MGA: variants seen among roughly 807,000 people sequenced by gnomAD.
MGA encodes MAX gene-associated protein.
Under a neutral mutation model 261.1 loss-of-function variants are expected in MGA, and 40 were observed. The observed-to-expected ratio is 0.15, with a 90% CI of 0.12 to 0.20. The LOEUF is 0.20. Ranked by LOEUF, MGA falls within the 10% of genes least tolerant of loss-of-function variation. The pLI is 1.00. For synonymous variants in MGA, 1,302 were observed against 1,290.6 expected (o/e 1.01, Z -0.19); for missense variants, 3,397 against 3,630.5 (o/e 0.94, Z 1.65).
intron 2 of MGA, among the ~76,000 whole-genome samples, chr15:41,673,002 A>C (rs1304929696): frequency 1.3e-5 from 2 of 152,034 alleles, no homozygotes; most frequent in African/African-American, 2.4e-5. Flanking sequence ...TATTTGCTAC[A>C]TTTGCGGTTG....
At chr15:41,640,256 G>A (rs1044248620) in intron 1 of MGA, among the ~76,000 whole-genome samples, 2 of 152,126 alleles carry the variant, frequency 1.3e-5, no homozygotes, top group African/African-American at 4.8e-5. Context: ...GAAATAAGGA[G>A]TAGTTGAGTA....
In MGA at chr15:41,757,969, T is replaced by C. The variant is rs1596000834; in HGVS notation, c.7191+130T>C. 4.5e-6 allele frequency: 3 copies of C among 672,578 alleles called. No individual in the cohort carries two copies. In the East Asian group the frequency reaches 8.1e-5, roughly 18 times the overall value. 41.7% of individuals were successfully genotyped at this position (672,578 alleles called of 1,614,324 possible). On this transcript the variant is annotated intron_variant, in intron 19 of 23. Coordinates refer to ENST00000219905, the MANE Select transcript of MGA (RefSeq NM_001164273.2). ...GGCTATTTTTGCCAGTGAGTTAATA[T>C]AATCAGTTTTTTCTCCTTAATCAAA...
At chr15:41,625,977 T>G (rs985465400) in intron 1 of MGA, among the ~76,000 whole-genome samples, 4 of 152,186 alleles carry the variant, frequency 2.6e-5, no homozygotes, top group African/African-American at 9.7e-5. Flanking sequence ...AGAGATCACA[T>G]TTACATAACT....
intron 22 of MGA, among the ~76,000 whole-genome samples, chr15:41,763,034 A>G (rs941101948): frequency 3.3e-5 from 5 of 151,162 alleles, no homozygotes; most frequent in African/African-American, 1.2e-4. Flanking sequence ...AGACCAATAA[A>G]TGGGAAATTT....
chr15:41,720,246 G>A (rs930426028), intron 9 of MGA, among the ~76,000 whole-genome samples: 7 of 152,162 alleles, frequency 4.6e-5, no homozygotes, highest in Non-Finnish European at 8.8e-5. Context: ...AGAATAGAGA[G>A]GCTACAGGCT....
chr15:41,642,830 G>C (rs1016272066), intron 1 of MGA, among the ~76,000 whole-genome samples: 1 of 150,900 alleles, frequency 6.6e-6, no homozygotes, highest in Non-Finnish European at 1.5e-5. Context: ...GGCTGGTCTC[G>C]AACTTCTAAC....
At chr15:41,627,325 C>G (rs141953394) in intron 1 of MGA, among the ~76,000 whole-genome samples, 329 of 152,262 alleles carry the variant, frequency 2.2e-3, no homozygotes, top group Middle Eastern at 0.01. Context: ...TAACACAGTA[C>G]TTTTTGTAGT....
Position 41,765,033 on chromosome 15 carries a change from A to G in MGA, c.7892A>G (p.Gln2631Arg). 6.2e-7 allele frequency: 1 copy of G among 1,613,956 alleles called. No individual in the cohort carries two copies. The highest frequency in any genetic ancestry group is 8.5e-7 in the Non-Finnish European group (1 of 1,179,868). The change falls in exon 23 of 24, where the codon CAA (glutamine) becomes CGA (arginine). Residue 2631 changes from glutamine to arginine, a missense_variant. This residue lies in a region of MGA where 647 missense variants were observed against 642.4 expected (regional missense o/e 1.01). Coordinates refer to ENST00000219905, the MANE Select transcript of MGA (RefSeq NM_001164273.2). ...CTCTTAGAATCTGATCTTAAGCCTC[A>G]AGTTGCCGGTAGTGCTGTGGCTCTA...
At chr15:41,629,713 A>G (rs1452985847) in intron 1 of MGA, among the ~76,000 whole-genome samples, 1 of 152,166 alleles carries the variant, frequency 6.6e-6, no homozygotes, top group East Asian at 1.9e-4. Flanking sequence ...TGCGCGACAA[A>G]TGGAGATCCT....
At chr15:41,747,708 T>G (rs2062588132) in intron 15 of MGA, among the ~76,000 whole-genome samples, 2 of 152,118 alleles carry the variant, frequency 1.3e-5, no homozygotes, top group African/African-American at 4.8e-5. Context: ...AAGAATGAAG[T>G]TGAAGCATAA....
intron 14 of MGA, among the ~76,000 whole-genome samples, chr15:41,740,409 T>C (rs1270281229): frequency 6.6e-6 from 1 of 152,136 alleles, no homozygotes; most frequent in Non-Finnish European, 1.5e-5. Flanking sequence ...TGTTTTATAG[T>C]TAATTTCTTG....
chr15:41,707,496 T>C (rs1320257814), intron 5 of MGA, among the ~76,000 whole-genome samples: 1 of 152,174 alleles, frequency 6.6e-6, no homozygotes, highest in Non-Finnish European at 1.5e-5. Context: ...CCTACCATAG[T>C]CGGGGTGAGG....
intron 1 of MGA, among the ~76,000 whole-genome samples, chr15:41,623,696 C>T (rs2056368245): frequency 6.7e-6 from 1 of 148,790 alleles, no homozygotes; most frequent in Non-Finnish European, 1.5e-5. Flanking sequence ...CATTGCACTC[C>T]AGCCTGGGCA....
rs551147503 is a variant in MGA, at chr15:41,723,962, A to G, written c.3431-3218A>G. On this transcript the variant is annotated intron_variant, in intron 9 of 23. Coordinates refer to ENST00000219905, the MANE Select transcript of MGA (RefSeq NM_001164273.2). Reference sequence around the variant, plus strand: ...ATGAATAATCATTCTTGGTATCTTAAGAGTTTTTTTTTTTTTTGAAGTACT... The same window carrying G: ...ATGAATAATCATTCTTGGTATCTTAGGAGTTTTTTTTTTTTTTGAAGTACT... Among the ~76,000 whole-genome samples the G allele has an allele frequency of 2.7e-4, 41 of 151,186 alleles. No homozygotes were observed. The East Asian group carries it at 3.5e-3, about 13-fold the overall frequency.
Position 41,729,313 on chromosome 15 carries a change from A to G in MGA, c.3807A>G (p.Ser1269=), listed in dbSNP as rs1441715972. 3.1e-6 allele frequency: 5 copies of G among 1,613,790 alleles called. No homozygotes were observed. Among genetic ancestry groups the G allele is most frequent in the East Asian group, 2.2e-5 (1 of 44,892 alleles). The stretch of plus-strand genomic sequence containing the variant: ...CTCCATCATTTCAGCAGCAAACTTC[A>G]TGTCATTCTAGCCCTGAGAACCATA... Residue 1269 remains serine (S), a synonymous_variant, in exon 11 of 24, where the codon TCA becomes TCG. Transcript: ENST00000219905.
At position 41,669,296 on chromosome 15, in the gene MGA, T is replaced by A. The variant is rs775658458; in HGVS notation, c.402T>A (p.Arg134=). 29 of 1,613,890 alleles carry A rather than the reference T, an allele frequency of 1.8e-5. No homozygotes were observed. In the Middle Eastern group the frequency reaches 4.9e-4, roughly 27 times the overall value. ...ATATATCTCCTGTGGATAACCATCG[T>A]TATAAGTGGAATGGTCGTTGGTGGG... The change falls in exon 2 of 24, where the codon CGT becomes CGA. Residue 134 remains arginine (R), a synonymous_variant. Coordinates refer to ENST00000219905, the MANE Select transcript of MGA (RefSeq NM_001164273.2).
chr15:41,700,895 A>T (rs1566998420), intron 5 of MGA, among the ~76,000 whole-genome samples: 1 of 152,326 alleles, frequency 6.6e-6, no homozygotes, highest in Non-Finnish European at 1.5e-5. Context: ...TCTAAACATT[A>T]TAAGTTATCA....
chr15:41,721,872 T>C (rs1206041256), intron 9 of MGA, among the ~76,000 whole-genome samples: 1 of 152,154 alleles, frequency 6.6e-6, no homozygotes, highest in Non-Finnish European at 1.5e-5. Context: ...CAGAACTGTA[T>C]TATATAAGAA....
chr15:41,746,421 T>C (rs1567072363), intron 15 of MGA, among the ~76,000 whole-genome samples: 1 of 151,888 alleles, frequency 6.6e-6, no homozygotes, highest in Non-Finnish European at 1.5e-5. Flanking sequence ...GTTGCATGCC[T>C]GTAATCCTAG....
Sources: gnomAD v4.1 joint callset for allele counts (sites outside exome capture counted in the v4.1 genomes callset) on GRCh38, gnomAD v4.1.1 for gene constraint, gnomAD v4.1.1 regional missense constraint, MANE v1.5 for transcripts, NCBI Gene and HGNC (gene_info 2026-07-23, HGNC 2026-07-21) for gene names.